KHDRBS2: variants seen among roughly 807,000 people sequenced by gnomAD.
KHDRBS2 encodes KH RNA binding domain containing, signal transduction associated 2.
A neutral mutation model predicts 44.3 loss-of-function variants in KHDRBS2; 26 were observed. The ratio of observed to expected loss-of-function variants is 0.59; its 90% confidence interval spans 0.43 to 0.81. KHDRBS2 has a LOEUF of 0.81. Among genes scored for constraint, KHDRBS2 ranks in the 40% least tolerant of loss-of-function variants. The pLI is 0.00. For synonymous variants in KHDRBS2, 194 were observed against 151.1 expected (o/e 1.28, Z -2.08); for missense variants, 476 against 433.1 (o/e 1.10, Z -0.88).
chr6:62,212,178 AG>A lies in KHDRBS2; in HGVS notation c.92-34867del, dbSNP rs756915381. ...AGAAAGGCTAAGTCAAATTCAATGTAGAACTTTCATCTCCTATATATGTTAC... is the reference window on the plus strand; with the variant it reads ...AGAAAGGCTAAGTCAAATTCAATGTAAACTTTCATCTCCTATATATGTTAC... On this transcript the variant is annotated intron_variant, in intron 1 of 8. Transcript: ENST00000281156. Among the ~76,000 whole-genome samples, 10 of 152,304 alleles carry A rather than the reference AG, an allele frequency of 6.6e-5. No individual in the cohort carries two copies. In the East Asian group the frequency reaches 1.9e-3, roughly 29 times the overall value.
chr6:62,122,540 A>C (rs1273747232), intron 2 of KHDRBS2, among the ~76,000 whole-genome samples: 3 of 152,164 alleles, frequency 2.0e-5, no homozygotes. Flanking sequence ...TTCATGAGGA[A>C]GTGGTTCAAA....
intron 2 of KHDRBS2, among the ~76,000 whole-genome samples, chr6:62,126,584 C>T (rs1056816111): frequency 6.6e-6 from 1 of 152,144 alleles, no homozygotes; most frequent in African/African-American, 2.4e-5. Context: ...TGGTGATGGC[C>T]ACAAAAGTAC....
chr6:61,559,382 G>A, the KHDRBS2 span, among the ~76,000 whole-genome samples: 2 of 150,854 alleles, frequency 1.3e-5, no homozygotes, highest in East Asian at 3.9e-4. Flanking sequence ...GCCAGTCTAT[G>A]TCTTTTAATT....
chr6:62,226,197 G>C (rs1449505029), intron 1 of KHDRBS2, among the ~76,000 whole-genome samples: 1 of 152,060 alleles, frequency 6.6e-6, no homozygotes, highest in Non-Finnish European at 1.5e-5. Flanking sequence ...TCGACAGCAT[G>C]TATAGTTTCT....
the KHDRBS2 span, among the ~76,000 whole-genome samples, chr6:61,567,578 C>T: frequency 1.1e-4 from 16 of 152,128 alleles, no homozygotes; most frequent in African/African-American, 3.4e-4. Context: ...GAGTTTGCGC[C>T]TGCAATGAGA....
At chr6:61,558,305 T>C in the KHDRBS2 span, among the ~76,000 whole-genome samples, 3 of 152,286 alleles carry the variant, frequency 2.0e-5, no homozygotes, top group East Asian at 5.8e-4. Flanking sequence ...CTCACACCTG[T>C]TATTCCAACA....
intron 3 of KHDRBS2, among the ~76,000 whole-genome samples, chr6:62,040,298 A>T (rs1786187109): frequency 6.6e-6 from 1 of 152,068 alleles, no homozygotes; most frequent in Non-Finnish European, 1.5e-5. Flanking sequence ...ATCTGCGCTT[A>T]TCGCCATTAG....
At chr6:61,952,941 A>G (rs1447189856) in intron 4 of KHDRBS2, among the ~76,000 whole-genome samples, 2 of 151,948 alleles carry the variant, frequency 1.3e-5, no homozygotes, top group Non-Finnish European at 1.5e-5. Flanking sequence ...TGTTCCTGTA[A>G]TATGGTTTCT....
intron 6 of KHDRBS2, among the ~76,000 whole-genome samples, chr6:61,769,766 A>C (rs891019498): frequency 5.9e-5 from 9 of 152,222 alleles, no homozygotes; most frequent in African/African-American, 2.2e-4. Context: ...GGGGCAGGGC[A>C]CAGACAAACA....
chr6:61,653,503 A>G, the KHDRBS2 span, among the ~76,000 whole-genome samples: 6 of 152,116 alleles, frequency 3.9e-5, no homozygotes, highest in South Asian at 1.0e-3. Flanking sequence ...AGCTTAACAA[A>G]TACTATTTGA....
At chr6:61,945,117 A>ATG (rs1465064222) in intron 4 of KHDRBS2, among the ~76,000 whole-genome samples, 1,572 of 52,904 alleles carry the variant, frequency 0.03, 140 homozygotes, top group East Asian at 0.091. Context: ...AAAAAAGTAT[A>ATG]TATATATATA....
chr6:61,547,302 C>A, the KHDRBS2 span, among the ~76,000 whole-genome samples: 4 of 152,092 alleles, frequency 2.6e-5, no homozygotes, highest in African/African-American at 9.7e-5. Flanking sequence ...CCCTTACATT[C>A]TTTTAAGTGT....
chr6:61,775,329 T>C (rs997587303), intron 6 of KHDRBS2, among the ~76,000 whole-genome samples: 2 of 151,996 alleles, frequency 1.3e-5, no homozygotes, highest in African/African-American at 4.8e-5. Flanking sequence ...GGGTATTCAA[T>C]TAGGAAAAAG....
Position 61,806,254 on chromosome 6 carries a change from C to G in KHDRBS2, c.811-73490G>C, listed in dbSNP as rs1787139425. ...GATGATACAGCCTTCACCTGATTCT[C>G]TGTTGGGGTACTCATACTTGCAGCC... On this transcript the variant is annotated intron_variant, in intron 6 of 8. Coordinates refer to ENST00000281156, the MANE Select transcript of KHDRBS2 (RefSeq NM_152688.4). Among the ~76,000 whole-genome samples the G allele has an allele frequency of 2.0e-5, 3 of 152,128 alleles. No individual in the cohort carries two copies. The South Asian group carries it at 6.2e-4, about 31-fold the overall frequency.
chr6:62,033,596 A>G (rs1403032254), intron 3 of KHDRBS2, among the ~76,000 whole-genome samples: 1 of 151,568 alleles, frequency 6.6e-6, no homozygotes, highest in Non-Finnish European at 1.5e-5. Context: ...CTTTTACCCT[A>G]TAATAGTATA....
chr6:62,223,081 C>A (rs755647677), intron 1 of KHDRBS2, among the ~76,000 whole-genome samples: 1 of 152,214 alleles, frequency 6.6e-6, no homozygotes, highest in Non-Finnish European at 1.5e-5. Flanking sequence ...TCCACATTTC[C>A]CTTCTGCACA....
intron 6 of KHDRBS2, among the ~76,000 whole-genome samples, chr6:61,746,355 T>G (rs1296853911): frequency 6.6e-6 from 1 of 152,152 alleles, no homozygotes; most frequent in Non-Finnish European, 1.5e-5. Context: ...TCCCTCCCTG[T>G]GTCCATGTGG....
chr6:61,750,863 A>G (rs1413244500), intron 6 of KHDRBS2, among the ~76,000 whole-genome samples: 1 of 151,912 alleles, frequency 6.6e-6, no homozygotes, highest in African/African-American at 2.4e-5. Context: ...CTATGTTTCT[A>G]GTTTTATTTT....
At chr6:61,630,707 G>A in the KHDRBS2 span, among the ~76,000 whole-genome samples, 1 of 152,122 alleles carries the variant, frequency 6.6e-6, no homozygotes, top group Admixed American at 6.5e-5. Context: ...AGAAGAGAGT[G>A]GCCTGGAAAC....
Sources: gnomAD v4.1 joint callset for allele counts (sites outside exome capture counted in the v4.1 genomes callset) on GRCh38, gnomAD v4.1.1 for gene constraint, MANE v1.5 for transcripts, NCBI Gene and HGNC (gene_info 2026-07-23, HGNC 2026-07-21) for gene names.